Variants in ITGB6 observed in about 807,000 individuals in gnomAD.
ITGB6 encodes the protein integrin subunit beta 6, also known as integrin beta-6.
Under a neutral mutation model 84.5 loss-of-function variants are expected in ITGB6, and 80 were observed. That is an observed-to-expected ratio of 0.95 (90% CI 0.79 to 1.14). ITGB6 has a LOEUF of 1.14. Among genes scored for constraint, ITGB6 ranks in the 50% most tolerant of loss-of-function variants. The probability of loss-of-function intolerance (pLI) is 0.00; values close to 1 mark genes in which losing one functional copy is unlikely to be tolerated. For missense variants in ITGB6, 1,006 were observed against 968.0 expected, an observed-to-expected ratio of 1.04 and a Z score of -0.52; for synonymous variants, 383 against 354.9, an observed-to-expected ratio of 1.08 and a Z score of -0.89.
intron 12 of ITGB6, among the ~76,000 whole-genome samples, chr2:160,118,033 AC>A (rs1485205410): frequency 6.6e-6 from 1 of 152,206 alleles, no homozygotes; most frequent in African/African-American, 2.4e-5. Context: ...TAGCTTACCA[AC>A]CAAAAAAAGT....
chr2:160,106,615 A>G (rs1488050418), intron 14 of ITGB6, among the ~76,000 whole-genome samples: 1 of 152,220 alleles, frequency 6.6e-6, no homozygotes, highest in Non-Finnish European at 1.5e-5. Context: ...CATACATTGC[A>G]TTTGGCTGTT....
At chr2:160,163,951 C>G (rs994911454) in intron 7 of ITGB6, among the ~76,000 whole-genome samples, 1 of 152,170 alleles carries the variant, frequency 6.6e-6, no homozygotes, top group Admixed American at 6.5e-5. Flanking sequence ...GCCCTCACCC[C>G]TATAAAGTGA....
intron 4 of ITGB6, among the ~76,000 whole-genome samples, chr2:160,192,172 A>C: frequency 6.6e-6 from 1 of 152,062 alleles, no homozygotes; most frequent in East Asian, 1.9e-4. Flanking sequence ...GGATAAACAA[A>C]ATGAAAGAAC....
chr2:160,138,196 G>T lies in ITGB6; in HGVS notation c.1111C>A (p.Leu371Met), dbSNP rs1363817066. The change falls in exon 9 of 15, where the codon CTG becomes ATG. Residue 371 changes from leucine to methionine, a missense_variant. Physicochemically the swap from Leu to Met is conservative, Grantham distance 15. Transcript: ENST00000283249. ...LQLIISAYEE[L>M]RSEVELEVLG... ...ACTTCCAGTTCCACCTCAGACCGCA[G>T]TTCCTTTAGTTACAACATAAAGAGT... The T allele has an allele frequency of 1.2e-6, 2 of 1,603,574 alleles. No individual in the cohort carries two copies. The highest frequency in any genetic ancestry group is 2.7e-5 in the African/African-American group (2 of 74,306).
At chr2:160,187,334 A>G (rs905418421) in intron 4 of ITGB6, among the ~76,000 whole-genome samples, 7 of 152,202 alleles carry the variant, frequency 4.6e-5, no homozygotes, top group East Asian at 1.9e-4. Context: ...AAAGAGATCA[A>G]TGGCTTTTCA....
At chr2:160,147,613 T>C (rs1684248704) in intron 7 of ITGB6, among the ~76,000 whole-genome samples, 1 of 152,154 alleles carries the variant, frequency 6.6e-6, no homozygotes, top group African/African-American at 2.4e-5. Flanking sequence ...AAGAGTGTGG[T>C]ATTGACAAAA....
chr2:160,179,726 C>T (rs915147434), intron 4 of ITGB6, among the ~76,000 whole-genome samples: 5 of 151,112 alleles, frequency 3.3e-5, no homozygotes, highest in Non-Finnish European at 7.4e-5. Context: ...TCCTCTTTTG[C>T]AAAACTACAA....
At chr2:160,119,972 A>G (rs1440201431) in intron 12 of ITGB6, among the ~76,000 whole-genome samples, 1 of 152,080 alleles carries the variant, frequency 6.6e-6, no homozygotes, top group Non-Finnish European at 1.5e-5. Flanking sequence ...ATGAGATACC[A>G]TCTCACACCA....
intron 4 of ITGB6, among the ~76,000 whole-genome samples, chr2:160,184,731 G>T (rs543003596): frequency 4.7e-4 from 71 of 152,160 alleles, no homozygotes; most frequent in African/African-American, 1.5e-3. Context: ...AAATCCTCAA[G>T]AAAATACTGG....
chr2:160,121,940 AT>A (rs1332220315), intron 12 of ITGB6, among the ~76,000 whole-genome samples: 1 of 151,288 alleles, frequency 6.6e-6, no homozygotes, highest in African/African-American at 2.4e-5. Context: ...GTAAAATAAA[AT>A]TCCTCTTGTT....
intron 12 of ITGB6, among the ~76,000 whole-genome samples, chr2:160,121,392 G>A (rs568702504): frequency 9.9e-5 from 15 of 152,142 alleles, no homozygotes; most frequent in Non-Finnish European, 1.8e-4. Flanking sequence ...TACATTACCA[G>A]GGGCGCCTTT....
rs139804091 is a variant in ITGB6 at position 160,112,101 on chromosome 2, T to C, written c.2080A>G (p.Ile694Val). Reference sequence around the variant, plus strand: ...CCACCTTTTTCATTGATGCTGTGAATGATGGTTTTCCCCTCATTATCTGTA... The same window carrying C: ...CCACCTTTTTCATTGATGCTGTGAACGATGGTTTTCCCCTCATTATCTGTA... The part of the protein sequence containing the change: ...ITTDNEGKTI[I>V]HSINEKDCPK... Residue 694 changes from isoleucine to valine, a missense_variant, in exon 13 of 15, where the codon ATT (isoleucine) becomes GTT (valine). Coordinates refer to ENST00000283249, the MANE Select transcript of ITGB6 (RefSeq NM_000888.5). 3.7e-6 allele frequency: 6 copies of C among 1,613,234 alleles called. No individual in the cohort carries two copies. In the East Asian group the frequency reaches 6.7e-5, roughly 18 times the overall value.
At chr2:160,111,954 T>A in intron 13 of ITGB6, 126 bp downstream of exon 13, 1 of 944,592 alleles carries the variant, frequency 1.1e-6, no homozygotes, top group Non-Finnish European at 1.6e-6. Context: ...TTGGGAAACT[T>A]TAAGAAACTT....
At chr2:160,114,990 C>T (rs575712431) in intron 12 of ITGB6, among the ~76,000 whole-genome samples, 26 of 152,376 alleles carry the variant, frequency 1.7e-4, no homozygotes, top group Non-Finnish European at 2.9e-4. Flanking sequence ...GTAAACAAAG[C>T]AGCTGGGAAG....
intron 10 of ITGB6, among the ~76,000 whole-genome samples, chr2:160,136,113 A>G (rs952296837): frequency 1.8e-4 from 27 of 152,342 alleles, no homozygotes; most frequent in African/African-American, 5.5e-4. Flanking sequence ...CAGAGTGAAC[A>G]GGCAACCTAC....
intron 7 of ITGB6, among the ~76,000 whole-genome samples, chr2:160,144,884 T>C (rs1038058360): frequency 3.3e-5 from 5 of 152,240 alleles, no homozygotes; most frequent in Non-Finnish European, 7.3e-5. Flanking sequence ...CCAGTAGCAG[T>C]AACCAGTGGT....
chr2:160,137,856 A>G lies in ITGB6; in HGVS notation c.1243-5T>C. On this transcript the variant is annotated splice_polypyrimidine_tract_variant and splice_region_variant and intron_variant, in intron 9 of 14. Transcript: ENST00000283249. ...CACAGTCACGCTGAAGGAAGCCTGG[A>G]AAAGAAAATACTAATTATCTCCCTC... is the stretch of plus-strand genomic sequence containing the variant. 1 of 1,611,988 alleles carries G rather than the reference A, an allele frequency of 6.2e-7. No homozygotes were observed. Among genetic ancestry groups the G allele is most frequent in the Non-Finnish European group, 8.5e-7 (1 of 1,178,386 alleles).
At chr2:160,185,924 A>C (rs1027058824) in intron 4 of ITGB6, among the ~76,000 whole-genome samples, 1 of 152,150 alleles carries the variant, frequency 6.6e-6, no homozygotes, top group Non-Finnish European at 1.5e-5. Context: ...GCCATATGCA[A>C]AAAACTGAAC....
At chr2:160,123,102 T>C (rs1683104577) in intron 12 of ITGB6, among the ~76,000 whole-genome samples, 1 of 152,244 alleles carries the variant, frequency 6.6e-6, no homozygotes, top group South Asian at 2.1e-4. Flanking sequence ...GTATTGCCAG[T>C]TAAAAAACAA....
Sources: allele counts gnomAD v4.1 joint callset (sites outside exome capture counted in the v4.1 genomes callset), GRCh38; gene constraint gnomAD v4.1.1; transcripts MANE v1.5; gene names NCBI Gene and HGNC (gene_info 2026-07-23, HGNC 2026-07-21).